The following CWF19L2 variants were observed in gnomAD, a reference collection of about 807,000 sequenced individuals.
The protein encoded by CWF19L2 is CWF19-like protein 2.
CWF19L2 carries 98 observed loss-of-function variants against 111.7 expected under a neutral mutation model. The ratio of observed to expected loss-of-function variants is 0.88; its 90% CI spans 0.75 to 1.04. The LOEUF (loss-of-function observed/expected upper bound fraction) is 1.04. Among genes scored for constraint, CWF19L2 ranks in the 50% least tolerant of loss-of-function variants. The pLI is 0.00. For missense variants in CWF19L2, 1,101 were observed against 1,051.4 expected (o/e 1.05, Z -0.65); for synonymous variants, 351 against 342.9 (o/e 1.02, Z -0.26).
At chr11:107,335,180 AC>A (rs753092560) in intron 15 of CWF19L2, among the ~76,000 whole-genome samples, 1 of 152,188 alleles carries the variant, frequency 6.6e-6, no homozygotes, top group Non-Finnish European at 1.5e-5. Context: ...CTCATTCTTA[AC>A]TGTTATACTA....
chr11:107,336,804 TA>T, intron 14 of CWF19L2, 91 bp from the exon 15 acceptor site: 2 of 706,694 alleles, frequency 2.8e-6, no homozygotes, highest in East Asian at 3.1e-5. Flanking sequence ...AAAACTTTAA[TA>T]AAAAAGTACA....
chr11:107,357,034 G>A (rs913117585), intron 12 of CWF19L2, among the ~76,000 whole-genome samples: 7 of 138,974 alleles, frequency 5.0e-5, no homozygotes, highest in South Asian at 2.3e-4. Context: ...GTGAAACTGC[G>A]TCTCAAACAA....
At chr11:107,440,116 A>C (rs1314248473) in intron 5 of CWF19L2, among the ~76,000 whole-genome samples, 2 of 152,186 alleles carry the variant, frequency 1.3e-5, no homozygotes, top group African/African-American at 4.8e-5. Context: ...GGGGAAAGAC[A>C]ATCAAGCAAT....
intron 12 of CWF19L2, among the ~76,000 whole-genome samples, chr11:107,370,253 G>C (rs1029026874): frequency 2.9e-5 from 4 of 137,206 alleles, no homozygotes; most frequent in Non-Finnish European, 6.2e-5. Flanking sequence ...AAAGTCAGCA[G>C]CTAAACAGAT....
chr11:107,330,215 C>T (rs1591144503), intron 16 of CWF19L2, among the ~76,000 whole-genome samples, 196 bp from the exon 17 acceptor site: 1 of 152,268 alleles, frequency 6.6e-6, no homozygotes, highest in East Asian at 1.9e-4. Flanking sequence ...GGTAGCCTTT[C>T]AGCCAGATAG....
intron 10 of CWF19L2, among the ~76,000 whole-genome samples, chr11:107,393,641 T>C (rs932644190): frequency 5.3e-5 from 8 of 152,154 alleles, no homozygotes; most frequent in Non-Finnish European, 1.2e-4. Context: ...AACTGAAGTG[T>C]CCACTAATGG....
chr11:107,445,596 C>T (rs1861690410), intron 3 of CWF19L2, among the ~76,000 whole-genome samples: 2 of 87,844 alleles, frequency 2.3e-5, no homozygotes, highest in African/African-American at 3.7e-5. Flanking sequence ...AAGAGCAAAA[C>T]TCCGCCTTAA....
intron 8 of CWF19L2, among the ~76,000 whole-genome samples, chr11:107,427,399 G>T (rs1402670982): frequency 6.6e-6 from 1 of 152,016 alleles, no homozygotes; most frequent in Non-Finnish European, 1.5e-5. Context: ...ATAGCTTTTA[G>T]TGAGTGCTGT....
At chr11:107,414,303 C>A (rs962920379) in intron 10 of CWF19L2, among the ~76,000 whole-genome samples, 2 of 152,060 alleles carry the variant, frequency 1.3e-5, no homozygotes, top group Admixed American at 6.6e-5. Context: ...AAACAATCCT[C>A]CACCTCAGCC....
chr11:107,454,418 AGCT>A (rs1861823475), intron 3 of CWF19L2, 29 bp downstream of exon 3: 1 of 1,297,856 alleles, frequency 7.7e-7, no homozygotes. Flanking sequence ...GTTCTCAAAT[AGCT>A]GCTTTGATTA....
At chr11:107,359,183 G>A (rs756355288) in intron 12 of CWF19L2, among the ~76,000 whole-genome samples, 2 of 152,182 alleles carry the variant, frequency 1.3e-5, no homozygotes, top group Non-Finnish European at 2.9e-5. Context: ...CACTGAGCCC[G>A]ATAGGATAAC....
rs535986999 is a variant in CWF19L2, at chr11:107,439,035, G to GGGAAA, written c.664+54_664+55insTTTCC. 1.0e-4 allele frequency: 30 copies of GGGAAA among 292,196 alleles called. No individual in the cohort carries two copies. In the African/African-American group the frequency reaches 1.4e-3, roughly 14 times the overall value. 18.1% of individuals were successfully genotyped at this position (292,196 alleles called of 1,614,324 possible). A position where few individuals can be genotyped will look rare whatever the true frequency, so the allele number is the denominator to read the frequency against. On this transcript the variant is annotated intron_variant, in intron 6 of 17. Transcript: ENST00000282251. ...GGCTGACAGAGCGAGACTCTGTCTC[G>GGGAAA]AAAAAAAAAAAAAAAAAAAAACCCT...
At chr11:107,353,397 A>T (rs1860185757) in intron 13 of CWF19L2, 127 bp downstream of exon 13, 1 of 716,354 alleles carries the variant, frequency 1.4e-6, no homozygotes, top group Non-Finnish European at 2.3e-6. Context: ...GGAGCTTAAA[A>T]ATTATTAGGG....
At chr11:107,406,420 G>A (rs889886080) in intron 10 of CWF19L2, among the ~76,000 whole-genome samples, 9 of 151,974 alleles carry the variant, frequency 5.9e-5, no homozygotes, top group Middle Eastern at 3.2e-3. Flanking sequence ...TCCACAAGTT[G>A]TTCCCTACAC....
intron 12 of CWF19L2, among the ~76,000 whole-genome samples, chr11:107,358,567 A>C (rs1860274032): frequency 9.2e-5 from 14 of 152,206 alleles, no homozygotes. Flanking sequence ...ATCTATAAAA[A>C]CATTATGCTA....
chr11:107,434,127 A>G (rs1173618056), intron 6 of CWF19L2, among the ~76,000 whole-genome samples: 1 of 151,850 alleles, frequency 6.6e-6, no homozygotes, highest in Non-Finnish European at 1.5e-5. Flanking sequence ...CAGGCTCAAG[A>G]AAATGAGTTG....
intron 2 of CWF19L2, 22 bp from the exon 3 acceptor site, chr11:107,454,594 A>G (rs1591215203): frequency 1.5e-6 from 2 of 1,295,928 alleles, no homozygotes; most frequent in East Asian, 6.0e-5. Flanking sequence ...TTGAACAGGC[A>G]AGAAAATAAT....
intron 3 of CWF19L2, among the ~76,000 whole-genome samples, chr11:107,452,960 T>C (rs1263198286): frequency 6.6e-6 from 1 of 152,140 alleles, no homozygotes; most frequent in African/African-American, 2.4e-5. Flanking sequence ...CTGTGCAACA[T>C]AGTGAGGCTC....
intron 3 of CWF19L2, among the ~76,000 whole-genome samples, chr11:107,450,040 C>T (rs1253359970): frequency 6.6e-6 from 1 of 151,018 alleles, no homozygotes. Context: ...AAGTAAGAGA[C>T]GTGAGCCAAG....
Sources: allele counts gnomAD v4.1 joint callset (sites outside exome capture counted in the v4.1 genomes callset), GRCh38; gene constraint gnomAD v4.1.1; transcripts MANE v1.5; gene names NCBI Gene and HGNC (gene_info 2026-07-23, HGNC 2026-07-21).